Variants in PARD3B observed in about 807,000 individuals in gnomAD.
PARD3B encodes the protein partitioning defective 3 homolog B.
A neutral mutation model predicts 130.2 loss-of-function variants in PARD3B; 103 were observed. The observed-to-expected ratio is 0.79, with a 90% CI of 0.67 to 0.93. PARD3B has a LOEUF of 0.93. Ranked by LOEUF, PARD3B falls within the 40% of genes least tolerant of loss-of-function variation. The probability of loss-of-function intolerance (pLI) is 0.00; values close to 1 mark genes in which losing one functional copy is unlikely to be tolerated. For missense variants in PARD3B, 1,609 were observed against 1,499.2 expected (o/e 1.07, Z -1.21); for synonymous variants, 583 against 553.2 (o/e 1.05, Z -0.76).
At chr2:204,781,888 TA>T (rs926556459) in intron 2 of PARD3B, among the ~76,000 whole-genome samples, 5 of 152,126 alleles carry the variant, frequency 3.3e-5, no homozygotes, top group Non-Finnish European at 7.4e-5. Flanking sequence ...TGTGGCATTA[TA>T]AATTGTGCCA....
chr2:204,830,803 T>C (rs972217779), intron 2 of PARD3B, among the ~76,000 whole-genome samples: 2 of 152,204 alleles, frequency 1.3e-5, no homozygotes, highest in Admixed American at 6.5e-5. Flanking sequence ...ATGGGTACTC[T>C]GTAGTTAGAG....
At position 205,011,382 on chromosome 2, in the gene PARD3B, A is replaced by G. The variant is rs1262892560; in HGVS notation, c.395-36199A>G. On this transcript the variant is annotated intron_variant, in intron 3 of 22. Coordinates refer to ENST00000406610, the MANE Select transcript of PARD3B (RefSeq NM_001302769.2). The surrounding 1 kb of genome is among the most constrained non-coding windows in gnomAD (Gnocchi z 4.1). Reference sequence around the variant, plus strand: ...GTCCTAATTTCCTCAGGTTGTCAGTATGTCCCTAGGGCTGCTTGGGACATG... The same window carrying G: ...GTCCTAATTTCCTCAGGTTGTCAGTGTGTCCCTAGGGCTGCTTGGGACATG... Among the ~76,000 whole-genome samples the G allele has an allele frequency of 1.3e-5, 2 of 152,142 alleles. No homozygotes were observed. The highest frequency in any genetic ancestry group is 6.5e-5 in the Admixed American group (1 of 15,274).
In PARD3B at chr2:205,156,025, G is replaced by A. The variant is rs7575836; in HGVS notation, c.1435-2697G>A. On this transcript the variant is annotated intron_variant, in intron 10 of 22. Coordinates refer to ENST00000406610, the MANE Select transcript of PARD3B (RefSeq NM_001302769.2). ...TTGGAACCAACCCAAATGTCCAACA[G>A]TGATAGACTGGATTAAGAAAATGTG... is the stretch of plus-strand genomic sequence containing the variant. Among the ~76,000 whole-genome samples the A allele has an allele frequency of 1.4e-3, 209 of 150,482 alleles. 1 individual carries two copies. Among genetic ancestry groups the A allele is most frequent in the East Asian group, 0.013 (65 of 5,128 alleles).
intron 18 of PARD3B, among the ~76,000 whole-genome samples, chr2:205,339,786 G>A (rs541474532): frequency 3.4e-4 from 52 of 152,138 alleles, no homozygotes; most frequent in African/African-American, 1.3e-3. Flanking sequence ...CGACCGGGAT[G>A]GTGACCAATT....
chr2:204,845,788 G>A (rs1474968922), intron 2 of PARD3B, among the ~76,000 whole-genome samples: 1 of 151,982 alleles, frequency 6.6e-6, no homozygotes. Flanking sequence ...TCTTTGAATG[G>A]CTCACTACTT....
intron 2 of PARD3B, among the ~76,000 whole-genome samples, chr2:204,839,964 T>A (rs1465933770): frequency 6.6e-6 from 1 of 152,148 alleles, no homozygotes; most frequent in East Asian, 1.9e-4. Flanking sequence ...AATTAATATA[T>A]CTTTCTTAAA....
At chr2:204,940,621 G>A (rs1477106597) in intron 2 of PARD3B, among the ~76,000 whole-genome samples, 1 of 152,134 alleles carries the variant, frequency 6.6e-6, no homozygotes, top group East Asian at 1.9e-4. Context: ...TTATTAGCAG[G>A]TACTGCTTGG....
Position 204,935,379 on chromosome 2 carries a change from A to C in PARD3B, c.223-29773A>C, listed in dbSNP as rs193009997. Reference sequence around the variant, plus strand: ...CCTGTCTCTACTAAAAATACAAAAAAAAAAAAAAAATTAGCCTGGCATGGT... The same window carrying C: ...CCTGTCTCTACTAAAAATACAAAAACAAAAAAAAAATTAGCCTGGCATGGT... On this transcript the variant is annotated intron_variant, in intron 2 of 22. Transcript: ENST00000406610. Among the ~76,000 whole-genome samples, 1,022 of 148,690 alleles carry C rather than the reference A, an allele frequency of 6.9e-3. 6 individuals carry two copies. The highest frequency in any genetic ancestry group is 0.022 in the African/African-American group (916 of 41,042).
intron 2 of PARD3B, among the ~76,000 whole-genome samples, chr2:204,948,600 A>G (rs1207423388): frequency 1.3e-5 from 2 of 152,210 alleles, no homozygotes; most frequent in Non-Finnish European, 2.9e-5. Context: ...TTAAAACAAA[A>G]AAAGGAACCT....
At chr2:205,354,987 A>G (rs13000324) in intron 18 of PARD3B, among the ~76,000 whole-genome samples, 91,699 of 152,002 alleles carry the variant, frequency 0.6, 30,890 homozygotes, top group South Asian at 0.77. Flanking sequence ...CATCTTTGAT[A>G]TAAAATAGGA....
rs977187633 is a variant in PARD3B at position 205,590,244 on chromosome 2, A to C, written c.3261-25212A>C. ...GACTTATCTTCAGGTTCAGCTACCC[A>C]AGATCTCATAAAAGGCTGTCAGCAC... On this transcript the variant is annotated intron_variant, in intron 22 of 22. Transcript: ENST00000406610. This position sits in a 1 kb window ranked among gnomAD's most constrained non-coding sequence, Gnocchi z 4.1. Among the ~76,000 whole-genome samples, 2 of 152,198 alleles carry C rather than the reference A, an allele frequency of 1.3e-5. No homozygotes were observed. Among genetic ancestry groups the C allele is most frequent in the Non-Finnish European group, 2.9e-5 (2 of 68,026 alleles).
At chr2:205,331,493 TGTGTTGGGCCGGGC>T (rs1267707816) in intron 18 of PARD3B, among the ~76,000 whole-genome samples, 2 of 152,078 alleles carry the variant, frequency 1.3e-5, no homozygotes, top group African/African-American at 2.4e-5. Context: ...TAGAAAAGCC[TGTGTTGGGCCGGGC>T]GTGGTGGTTC....
intron 4 of PARD3B, among the ~76,000 whole-genome samples, chr2:205,052,196 G>T (rs902780236): frequency 6.6e-6 from 1 of 151,782 alleles, no homozygotes; most frequent in Admixed American, 6.6e-5. Context: ...AACTAGCAAG[G>T]TTGTTTTGTG....
intron 4 of PARD3B, among the ~76,000 whole-genome samples, chr2:205,057,619 GTATACGTA>G (rs1244314926): frequency 1.8e-4 from 26 of 144,066 alleles, no homozygotes; most frequent in South Asian, 4.4e-4. Context: ...ATGTGTATGT[GTATACGTA>G]TATATATACA....
intron 3 of PARD3B, among the ~76,000 whole-genome samples, chr2:205,010,348 T>A (rs1695615885): frequency 6.6e-6 from 1 of 152,218 alleles, no homozygotes; most frequent in African/African-American, 2.4e-5. Flanking sequence ...CATGAACTCC[T>A]CTTTCAATCT....
At chr2:204,956,677 C>G (rs939098377) in intron 2 of PARD3B, among the ~76,000 whole-genome samples, 8 of 152,100 alleles carry the variant, frequency 5.3e-5, no homozygotes, top group African/African-American at 1.9e-4. Context: ...GCAAGTGAGG[C>G]CACCTAGTAG....
At position 205,550,806 on chromosome 2, in the gene PARD3B, A is replaced by G. The variant is rs1230640665; in HGVS notation, c.3181-2518A>G. On this transcript the variant is annotated intron_variant, in intron 21 of 22. Coordinates refer to ENST00000406610, the MANE Select transcript of PARD3B (RefSeq NM_001302769.2). This position sits in a 1 kb window ranked among gnomAD's most constrained non-coding sequence, Gnocchi z 4.5. ...CATGCAAATATACAAATATATGCAT[A>G]TTTATATGTATATATGTATATTTTA... is the stretch of plus-strand genomic sequence containing the variant. 6.7e-6 allele frequency among the ~76,000 whole-genome samples: 1 copy of G among 149,610 alleles called. No homozygotes were observed. The highest frequency in any genetic ancestry group is 1.5e-5 in the Non-Finnish European group (1 of 67,582).
intron 4 of PARD3B, among the ~76,000 whole-genome samples, chr2:205,056,914 C>T (rs200163121): frequency 4.0e-5 from 5 of 124,670 alleles, no homozygotes; most frequent in South Asian, 2.3e-4. Context: ...CACACACACA[C>T]ATATATATAT....
chr2:205,327,956 A>C (rs531019331), intron 18 of PARD3B, among the ~76,000 whole-genome samples: 3 of 152,196 alleles, frequency 2.0e-5, no homozygotes, highest in African/African-American at 7.2e-5. Context: ...TCATTTATAA[A>C]GAATGGATTC....
Sources: allele counts gnomAD v4.1 joint callset (sites outside exome capture counted in the v4.1 genomes callset), GRCh38; gene constraint gnomAD v4.1.1; non-coding constraint Gnocchi (gnomAD v3.1); transcripts MANE v1.5; gene names NCBI Gene and HGNC (gene_info 2026-07-23, HGNC 2026-07-21).